The following GPAT2 variants were observed in gnomAD, a reference collection of about 807,000 sequenced individuals.
GPAT2 encodes glycerol-3-phosphate acyltransferase 2, mitochondrial, also known as 1-acylglycerol-3-phosphate O-acyltransferase GPAT2.
Under a neutral mutation model 71.0 loss-of-function variants are expected in GPAT2, and 51 were observed. That is an observed-to-expected ratio of 0.72 (90% CI 0.57 to 0.91). GPAT2 has a LOEUF of 0.91. Ranked by LOEUF, GPAT2 falls within the 40% of genes least tolerant of loss-of-function variation. The probability of loss-of-function intolerance (pLI) is 0.00; values close to 1 mark genes in which losing one functional copy is unlikely to be tolerated. For synonymous variants in GPAT2, 222 were observed against 290.3 expected, an observed-to-expected ratio of 0.76 and a Z score of 2.39; for missense variants, 511 against 666.0, an observed-to-expected ratio of 0.77 and a Z score of 2.56.
At position 96,022,145 on chromosome 2, in the gene GPAT2, TC is replaced by T. The variant is rs1258753584; in HGVS notation, c.*13del. 1 of 1,609,036 alleles carries T rather than the reference TC, an allele frequency of 6.2e-7. No individual in the cohort carries two copies. The highest frequency in any genetic ancestry group is 8.5e-7 in the Non-Finnish European group (1 of 1,178,638). ...GGGGCTGAGAAGTCTCAGCACAGGC[TC>T]CTCCTCACAGTTCTAGCTACAAATG... is the stretch of plus-strand genomic sequence containing the variant. On this transcript the variant is annotated 3_prime_UTR_variant, in exon 22 of 22. Transcript: ENST00000434632.
intron 14 of GPAT2, 31 bp downstream of exon 14, chr2:96,024,742 G>T (rs375714417): frequency 8.5e-5 from 137 of 1,611,552 alleles, no homozygotes; most frequent in Non-Finnish European, 4.8e-5. Context: ...CCCCCCCACC[G>T]CCCAGGTCCC....
In GPAT2 at chr2:96,025,486, A is replaced by C; in HGVS notation, c.1356T>G (p.Ser452Arg). The C allele has an allele frequency of 6.4e-7, 1 of 1,573,244 alleles. No homozygotes were observed. Among genetic ancestry groups the C allele is most frequent in the South Asian group, 1.2e-5 (1 of 86,180 alleles). ...LVRRLSCHVL[S>R]ASVGSSAVMS... ...GGCCCAGATCTGGTTCACCCTCACC[A>C]CTCAGGACATGACAGCTCAGTCTCC... The change falls in exon 13 of 22, where the codon AGT (serine) becomes AGG (arginine). Residue 452 changes from serine to arginine, a missense_variant and splice_region_variant. By Grantham distance (110) the Ser-to-Arg change is moderately radical (BLOSUM62 -1). Coordinates refer to ENST00000434632, the MANE Select transcript of GPAT2 (RefSeq NM_001321527.2).
At chr2:96,034,054 T>TAC (rs1292120936) in intron 1 of GPAT2, among the ~76,000 whole-genome samples, 3 of 150,918 alleles carry the variant, frequency 2.0e-5, no homozygotes, top group East Asian at 3.9e-4. Context: ...TATACATATA[T>TAC]ACACACACAT....
In GPAT2 at chr2:96,025,265, C is replaced by A. The variant is rs564536688; in HGVS notation, c.1357+220G>T. On this transcript the variant is annotated intron_variant, in intron 13 of 21. Coordinates refer to ENST00000434632, the MANE Select transcript of GPAT2 (RefSeq NM_001321527.2). ...CAGCTGCAGCCTCCTGGCCTCAGGCCACCATCTTTGTGCATGCACTTAGCT... is the reference window on the plus strand; with the variant it reads ...CAGCTGCAGCCTCCTGGCCTCAGGCAACCATCTTTGTGCATGCACTTAGCT... 4.8e-6 allele frequency: 3 copies of A among 629,784 alleles called. No homozygotes were observed. The African/African-American group carries it at 5.5e-5, about 12-fold the overall frequency. The allele number at this position is 629,784 out of a possible 1,614,324, so 39.0% of individuals were successfully genotyped here.
Position 96,025,963 on chromosome 2 carries a change from T to C in GPAT2, c.1205A>G (p.Glu402Gly), listed in dbSNP as rs778682753. Residue 402 changes from glutamate to glycine, a missense_variant, in exon 12 of 22, where the codon GAG (glutamate) becomes GGG (glycine). Physicochemically the swap from Glu to Gly is moderately conservative, Grantham distance 98. Coordinates refer to ENST00000434632, the MANE Select transcript of GPAT2 (RefSeq NM_001321527.2). ...CAGCACGATGGGCTGCAGTAGCTGC[T>C]CCAGGGTCTGTCTGCCGCCCCAGCA... ...RSCWGGRQTLEQLLQPIVLGQ... is the reference protein window; with the variant it reads ...RSCWGGRQTLGQLLQPIVLGQ... 21 of 1,612,560 alleles carry C rather than the reference T, an allele frequency of 1.3e-5. No individual in the cohort carries two copies. The South Asian group carries it at 2.1e-4, about 16-fold the overall frequency.
In GPAT2 at chr2:96,030,781, AG is replaced by A. The variant is rs1558689732; in HGVS notation, c.318del (p.Cys107AlafsTer35). The A allele has an allele frequency of 1.0e-4, 26 of 252,146 alleles. No individual in the cohort carries two copies. Among genetic ancestry groups the A allele is most frequent in the East Asian group, 1.5e-4 (2 of 13,408 alleles). The allele number at this position is 252,146 out of a possible 1,614,324, so 15.6% of individuals were successfully genotyped here. A position where few individuals can be genotyped will look rare whatever the true frequency, so the allele number is the denominator to read the frequency against. On this transcript the variant is annotated frameshift_variant, in exon 5 of 22. Coordinates refer to ENST00000434632, the MANE Select transcript of GPAT2 (RefSeq NM_001321527.2). LOFTEE classifies it high-confidence loss of function. ...FLWSLEQHIP[P>X]CQDVPQKIME... ...ATGATCTTCTGTGGGACATCCTGGCAGGGGGGGATGTGCTGCTCCAGGGACC... is the reference window on the plus strand; with the variant it reads ...ATGATCTTCTGTGGGACATCCTGGCAGGGGGGATGTGCTGCTCCAGGGACC...
Position 96,024,431 on chromosome 2 carries a change from C to G in GPAT2, c.1683G>C (p.Val561=), listed in dbSNP as rs1680125523. 1 of 1,613,504 alleles carries G rather than the reference C, an allele frequency of 6.2e-7. No homozygotes were observed. The highest frequency in any genetic ancestry group is 1.3e-5 in the African/African-American group (1 of 74,922). ...ELLPVFLSEA[V]GACAVRGLLA... is the part of the protein sequence containing the mutation. ...CCCGTGCACCTCAAGACTCACCGCC[C>G]ACAGCCTCGCTCAGGAAGACGGGCA... The change falls in exon 15 of 22, where the codon GTG becomes GTC. Residue 561 remains valine (V), a synonymous_variant. Transcript: ENST00000434632.
rs549218444 is a variant in GPAT2, at chr2:96,022,980, G to A, written c.2211C>T (p.Thr737=). Residue 737 remains threonine (T), a synonymous_variant, in exon 20 of 22, where the codon ACC becomes ACT. Coordinates refer to ENST00000434632, the MANE Select transcript of GPAT2 (RefSeq NM_001321527.2). ...CACCGAAGATCCCTTCTTCCTGGGC[G>A]GTGGCCTGCAGGAACTGGAACAGCT... ...TEQLFQFLQA[T]AQEEGIFECA... is the part of the protein sequence containing the mutation. The A allele has an allele frequency of 9.4e-5, 151 of 1,613,912 alleles. 1 individual carries two copies. In the East Asian group the frequency reaches 2.4e-3, roughly 25 times the overall value.
chr2:96,025,195 G>A (rs1680263767), intron 13 of GPAT2: 4 of 562,232 alleles, frequency 7.1e-6, no homozygotes, highest in Middle Eastern at 4.7e-4. Context: ...CCAAAGCTAA[G>A]GAGACTCCGC....
intron 17 of GPAT2, 97 bp from the exon 18 acceptor site, chr2:96,023,537 A>C (rs1170571240): frequency 1.5e-6 from 2 of 1,301,594 alleles, no homozygotes; most frequent in Non-Finnish European, 1.1e-6. Flanking sequence ...GTAAAAGCAG[A>C]CCTAGAGACC....
intron 17 of GPAT2, 89 bp downstream of exon 17, chr2:96,023,834 G>A (rs1680021961): frequency 2.6e-6 from 4 of 1,530,570 alleles, no homozygotes; most frequent in Non-Finnish European, 3.5e-6. Flanking sequence ...CGGGGCAGAG[G>A]AGGAGCCTGG....
chr2:96,024,833 C>G lies in GPAT2; in HGVS notation c.1368G>C (p.Gly456=), dbSNP rs867485648. ...TGGCCGTGCTCATCACCGCAGAGCT[C>G]CCTACACTGGCTGGAGTGGGGCGGG... is the stretch of plus-strand genomic sequence containing the variant. ...LSCHVLSASV[G]SSAVMSTAIM... is the part of the protein sequence containing the mutation. The change falls in exon 14 of 22, where the codon GGG becomes GGC. Residue 456 remains glycine (G), a synonymous_variant. Coordinates refer to ENST00000434632, the MANE Select transcript of GPAT2 (RefSeq NM_001321527.2). 2 of 1,613,212 alleles carry G rather than the reference C, an allele frequency of 1.2e-6. No homozygotes were observed. The highest frequency in any genetic ancestry group is 1.8e-4 in the Middle Eastern group (1 of 5,554).
intron 1 of GPAT2, among the ~76,000 whole-genome samples, chr2:96,034,177 T>C (rs1374191349): frequency 3.6e-5 from 4 of 109,894 alleles, no homozygotes; most frequent in Non-Finnish European, 7.4e-5. Flanking sequence ...GAGGGCTTGT[T>C]ACATATACAT....
intron 17 of GPAT2, chr2:96,023,709 A>G (rs1351840767): frequency 4.3e-6 from 4 of 930,516 alleles, no homozygotes; most frequent in African/African-American, 1.6e-5. Context: ...AGTGCTATCC[A>G]GAGAGACACA....
At chr2:96,030,128 TTC>T (rs1461363437) in intron 6 of GPAT2, among the ~76,000 whole-genome samples, 1 of 126,560 alleles carries the variant, frequency 7.9e-6, no homozygotes, top group African/African-American at 3.1e-5. Flanking sequence ...CTTCCTGGTA[TTC>T]TGTCTCAGCC....
chr2:96,025,914 G>T lies in GPAT2; in HGVS notation c.1238+16C>A, dbSNP rs147368142. On this transcript the variant is annotated intron_variant, in intron 12 of 21. Coordinates refer to ENST00000434632, the MANE Select transcript of GPAT2 (RefSeq NM_001321527.2). ...CTTGCCTTGCCCCCTGAGACCCCAC[G>T]CTCCTGTGCCCCTACCATTGGCCCA... The T allele has an allele frequency of 1.9e-6, 3 of 1,610,674 alleles. No individual in the cohort carries two copies. The highest frequency in any genetic ancestry group is 2.5e-6 in the Non-Finnish European group (3 of 1,178,656).
chr2:96,025,563 G>T lies in GPAT2; in HGVS notation c.1279C>A (p.Pro427Thr), dbSNP rs1680310088. The T allele has an allele frequency of 6.4e-7, 1 of 1,572,890 alleles. No homozygotes were observed. Among genetic ancestry groups the T allele is most frequent in the African/African-American group, 1.4e-5 (1 of 73,174 alleles). ...AGGGCCAGGAGAGGCCCAGTTATGG[G>T]GGTCCACTCCTGCTCCTTCTCAGTG... ...PDTEKEQEWT[P>T]ITGPLLALKE... is the part of the protein sequence containing the mutation. The change falls in exon 13 of 22, where the codon CCC becomes ACC. Residue 427 changes from proline to threonine, a missense_variant. By Grantham distance (38) the Pro-to-Thr change is conservative (BLOSUM62 -1). Coordinates refer to ENST00000434632, the MANE Select transcript of GPAT2 (RefSeq NM_001321527.2).
At position 96,023,824 on chromosome 2, in the gene GPAT2, C is replaced by T. The variant is rs183638251; in HGVS notation, c.1914+99G>A. On this transcript the variant is annotated intron_variant, in intron 17 of 21. Transcript: ENST00000434632. ...GGGCTGCCCACCCCCACAGCACACA[C>T]GGGGCAGAGGAGGAGCCTGGGGCAG... is the stretch of plus-strand genomic sequence containing the variant. The T allele has an allele frequency of 1.2e-4, 189 of 1,518,480 alleles. No individual in the cohort carries two copies. In the African/African-American group the frequency reaches 1.8e-3, roughly 15 times the overall value. The allele number at this position is 1,518,480 out of a possible 1,614,324, so 94.1% of individuals were successfully genotyped here.
At chr2:96,024,128 G>A in intron 16 of GPAT2, 61 bp downstream of exon 16, 10 of 1,535,714 alleles carry the variant, frequency 6.5e-6, no homozygotes, top group Non-Finnish European at 8.8e-6. Flanking sequence ...GCAGGGATGG[G>A]CCATTCCTAC....
Sources: allele counts gnomAD v4.1 joint callset (sites outside exome capture counted in the v4.1 genomes callset), GRCh38; gene constraint gnomAD v4.1.1; transcripts MANE v1.5; gene names NCBI Gene and HGNC (gene_info 2026-07-23, HGNC 2026-07-21).